Variants in HIVEP1 observed in about 807,000 individuals in gnomAD.
The protein encoded by HIVEP1 is HIVEP zinc finger 1, also known as zinc finger protein 40.
Under a neutral mutation model 180.0 loss-of-function variants are expected in HIVEP1, and 36 were observed. That is an observed-to-expected ratio of 0.20 (90% CI 0.15 to 0.26). The LOEUF (loss-of-function observed/expected upper bound fraction) is 0.26, where lower values mean the gene tolerates loss of function less well. Among genes scored for constraint, HIVEP1 ranks in the 10% least tolerant of loss-of-function variants. The pLI, the probability that HIVEP1 is intolerant of heterozygous loss-of-function variation, is 1.00. For synonymous variants in HIVEP1, 1,239 were observed against 1,239.0 expected, an observed-to-expected ratio of 1.00 and a Z score of 0.00; for missense variants, 3,143 against 3,268.7, an observed-to-expected ratio of 0.96 and a Z score of 0.94.
At chr6:12,072,083 TTC>T (rs1422027375) in intron 2 of HIVEP1, among the ~76,000 whole-genome samples, 33 of 121,970 alleles carry the variant, frequency 2.7e-4, no homozygotes, top group African/African-American at 9.7e-4. Flanking sequence ...CATATTCTTC[TTC>T]TTTTTTTTTT....
intron 2 of HIVEP1, among the ~76,000 whole-genome samples, chr6:12,072,082 C>CT (rs1394863372): frequency 8.1e-6 from 1 of 123,324 alleles, no homozygotes. Flanking sequence ...ACATATTCTT[C>CT]TTCTTTTTTT....
At chr6:12,030,456 A>G (rs894781024) in intron 2 of HIVEP1, among the ~76,000 whole-genome samples, 1 of 151,884 alleles carries the variant, frequency 6.6e-6, no homozygotes, top group African/African-American at 2.4e-5. Flanking sequence ...GTCTGTTAAT[A>G]TCTCTTTAAT....
At position 12,124,631 on chromosome 6, in the gene HIVEP1, G is replaced by C. The variant is rs746351918; in HGVS notation, c.4836G>C (p.Ser1612=). 8 of 1,614,070 alleles carry C rather than the reference G, an allele frequency of 5.0e-6. No individual in the cohort carries two copies. The highest frequency in any genetic ancestry group is 6.8e-6 in the Non-Finnish European group (8 of 1,180,002). The part of the protein sequence containing the change: ...PTKLIDSMSN[S]HPLLPPELRP... ...AATTAATTGACAGCATGTCTAATTC[G>C]CATCCTCTGCTACCACCAGAGCTCA... The change falls in exon 4 of 9, where the codon TCG becomes TCC. Residue 1612 remains serine (S), a synonymous_variant. Coordinates refer to ENST00000379388, the MANE Select transcript of HIVEP1 (RefSeq NM_002114.4).
At chr6:12,207,708 C>G in the HIVEP1 span, among the ~76,000 whole-genome samples, 2 of 137,180 alleles carry the variant, frequency 1.5e-5, no homozygotes, top group Non-Finnish European at 3.3e-5. Flanking sequence ...AGTTCTAGAC[C>G]AGCCTGGGCA....
chr6:12,156,935 T>C (rs1760092421), intron 7 of HIVEP1, among the ~76,000 whole-genome samples: 1 of 152,222 alleles, frequency 6.6e-6, no homozygotes, highest in Non-Finnish European at 1.5e-5. Context: ...GAGTGGATTA[T>C]TGAAGTCTTC....
At chr6:12,149,111 G>A (rs1047842731) in intron 7 of HIVEP1, among the ~76,000 whole-genome samples, 1 of 152,170 alleles carries the variant, frequency 6.6e-6, no homozygotes, top group Non-Finnish European at 1.5e-5. Flanking sequence ...AGTGACATCA[G>A]TAGTGGGGTC....
At chr6:12,179,296 C>T in the HIVEP1 span, among the ~76,000 whole-genome samples, 2 of 152,014 alleles carry the variant, frequency 1.3e-5, no homozygotes, top group Non-Finnish European at 2.9e-5. Context: ...GAGCAGGTGG[C>T]TTAGTTTCAT....
At chr6:12,132,825 C>G (rs563486225) in intron 6 of HIVEP1, among the ~76,000 whole-genome samples, 1 of 152,280 alleles carries the variant, frequency 6.6e-6, no homozygotes, top group East Asian at 1.9e-4. Flanking sequence ...CAGGATTTCC[C>G]TTTTCTTGGC....
chr6:12,014,632 A>C (rs535361219), intron 1 of HIVEP1, among the ~76,000 whole-genome samples: 1 of 152,330 alleles, frequency 6.6e-6, no homozygotes, highest in East Asian at 1.9e-4. Context: ...CAGTAAGTTA[A>C]AATTTCAGCT....
chr6:12,068,529 CAG>C (rs1771750971), intron 2 of HIVEP1, among the ~76,000 whole-genome samples: 1 of 152,080 alleles, frequency 6.6e-6, no homozygotes, highest in Admixed American at 6.6e-5. Context: ...AAGGAGGAAA[CAG>C]GCATCAAATA....
intron 7 of HIVEP1, among the ~76,000 whole-genome samples, chr6:12,143,741 AACAG>A (rs1169902997): frequency 2.0e-5 from 3 of 152,222 alleles, no homozygotes; most frequent in African/African-American, 7.2e-5. Flanking sequence ...ATACACCAAT[AACAG>A]ACAAACGGAG....
chr6:12,188,560 C>CA, the HIVEP1 span, among the ~76,000 whole-genome samples: 2 of 152,010 alleles, frequency 1.3e-5, no homozygotes, highest in African/African-American at 4.8e-5. Flanking sequence ...AAGCTAATAT[C>CA]AAAATTCAGT....
the HIVEP1 span, among the ~76,000 whole-genome samples, chr6:12,170,759 G>A: frequency 6.6e-6 from 1 of 152,142 alleles, no homozygotes; most frequent in Non-Finnish European, 1.5e-5. Flanking sequence ...AGCACTACAG[G>A]GAAAGGAGCA....
At chr6:12,210,137 G>A in the HIVEP1 span, among the ~76,000 whole-genome samples, 1 of 152,166 alleles carries the variant, frequency 6.6e-6, no homozygotes, top group South Asian at 2.1e-4. Flanking sequence ...TATGGTACAT[G>A]TGAACTAGTA....
the HIVEP1 span, among the ~76,000 whole-genome samples, chr6:12,200,197 A>T: frequency 6.6e-6 from 1 of 152,192 alleles, no homozygotes; most frequent in Non-Finnish European, 1.5e-5. Flanking sequence ...GGAGTGTGCC[A>T]TGTCAATTTA....
At chr6:12,050,266 C>T (rs965087971) in intron 2 of HIVEP1, among the ~76,000 whole-genome samples, 9 of 152,304 alleles carry the variant, frequency 5.9e-5, no homozygotes, top group East Asian at 3.9e-4. Context: ...AGAGTTCATG[C>T]CTGCCACACA....
intron 2 of HIVEP1, among the ~76,000 whole-genome samples, chr6:12,041,611 C>G (rs1581557839): frequency 6.6e-6 from 1 of 151,388 alleles, no homozygotes; most frequent in South Asian, 2.1e-4. Context: ...TACATCATCT[C>G]TAGTAAGAAT....
Position 12,125,738 on chromosome 6 carries a change from C to T in HIVEP1, c.5943C>T (p.Pro1981=). 11 of 1,614,160 alleles carry T rather than the reference C, an allele frequency of 6.8e-6. No individual in the cohort carries two copies. The highest frequency in any genetic ancestry group is 1.6e-4 in the Middle Eastern group (1 of 6,062). ...SASNPNPLGL[P]TKVALALLNS... is the part of the protein sequence containing the mutation. ...GTAATCCAAATCCACTCGGTTTGCC[C>T]ACAAAAGTTGCACTTGCTCTCCTTA... The change falls in exon 4 of 9, where the codon CCC becomes CCT. Residue 1981 remains proline, a synonymous_variant. Transcript: ENST00000379388.
chr6:12,199,360 CTTTT>C, the HIVEP1 span, among the ~76,000 whole-genome samples: 5 of 109,420 alleles, frequency 4.6e-5, no homozygotes, highest in East Asian at 2.9e-4. Flanking sequence ...ACTGTCAATC[CTTTT>C]TTTTTTTTTT....
Sources: allele counts gnomAD v4.1 joint callset (sites outside exome capture counted in the v4.1 genomes callset), GRCh38; gene constraint gnomAD v4.1.1; transcripts MANE v1.5; gene names NCBI Gene and HGNC (gene_info 2026-07-23, HGNC 2026-07-21).